The following HYDIN variants were observed in gnomAD, a reference collection of about 807,000 sequenced individuals.
HYDIN encodes the protein HYDIN axonemal central pair apparatus protein.
Under a neutral mutation model 403.9 loss-of-function variants are expected in HYDIN, and 132 were observed. The observed-to-expected ratio is 0.33, with a 90% CI of 0.28 to 0.38. The LOEUF is 0.38. Ranked by LOEUF, HYDIN falls within the 10% of genes least tolerant of loss-of-function variation. HYDIN has a pLI of 1.00. For synonymous variants in HYDIN, 1,202 were observed against 1,891.7 expected (o/e 0.64, Z 9.46); for missense variants, 2,827 against 5,009.5 (o/e 0.56, Z 13.15).
chr16:70,935,972 A>AT lies in HYDIN; in HGVS notation c.7137dup (p.Ser2380IlefsTer28). On this transcript the variant is annotated frameshift_variant, in exon 45 of 86. Transcript: ENST00000393567. LOFTEE classifies it high-confidence loss of function. ...GTTACCTGCTTGTTTGCTGCTTGAGATTTCTTCATGGGGGGCTCCTCCTTA... is the reference window on the plus strand; with the variant it reads ...GTTACCTGCTTGTTTGCTGCTTGAGATTTTCTTCATGGGGGGCTCCTCCTTA... The AT allele has an allele frequency of 3.9e-6, 2 of 514,920 alleles. No individual in the cohort carries two copies. Among genetic ancestry groups the AT allele is most frequent in the Non-Finnish European group, 6.6e-6 (2 of 303,520 alleles). The allele number at this position is 514,920 out of a possible 1,614,324, so 31.9% of individuals were successfully genotyped here.
chr16:71,227,343 G>A (rs1220706392), intron 1 of HYDIN, among the ~76,000 whole-genome samples: 1 of 152,046 alleles, frequency 6.6e-6, no homozygotes, highest in Non-Finnish European at 1.5e-5. Flanking sequence ...AGAATAAAGT[G>A]TATTCAACTA....
At chr16:71,092,172 G>A (rs201892901) in intron 11 of HYDIN, among the ~76,000 whole-genome samples, 2,619 of 152,050 alleles carry the variant, frequency 0.017, 111 homozygotes, top group East Asian at 0.15. Flanking sequence ...CAGGTTTGCC[G>A]TTCCTTGAAT....
At chr16:70,932,727 GT>G (rs547022478) in intron 45 of HYDIN, among the ~76,000 whole-genome samples, 8 of 151,958 alleles carry the variant, frequency 5.3e-5, no homozygotes, top group African/African-American at 1.7e-4. Context: ...CAACCAGCAT[GT>G]TTTTTTTTAA....
At chr16:71,227,587 C>A (rs1334085038) in intron 1 of HYDIN, among the ~76,000 whole-genome samples, 1 of 152,034 alleles carries the variant, frequency 6.6e-6, no homozygotes, top group Non-Finnish European at 1.5e-5. Context: ...GAATAAAATA[C>A]CTAGGAATCC....
intron 62 of HYDIN, among the ~76,000 whole-genome samples, chr16:70,877,410 T>A (rs1456940851): frequency 6.6e-6 from 1 of 152,044 alleles, no homozygotes; most frequent in East Asian, 1.9e-4. Flanking sequence ...AGTAAAACTG[T>A]AGAAAACAAA....
chr16:70,832,621 T>C (rs1459755443), intron 80 of HYDIN, among the ~76,000 whole-genome samples: 2 of 152,228 alleles, frequency 1.3e-5, no homozygotes, highest in Non-Finnish European at 2.9e-5. Flanking sequence ...TAGCCAGGGA[T>C]GTCAAAGCAG....
At chr16:71,193,465 C>G (rs534980528) in intron 1 of HYDIN, among the ~76,000 whole-genome samples, 4 of 152,114 alleles carry the variant, frequency 2.6e-5, no homozygotes, top group African/African-American at 7.2e-5. Flanking sequence ...GAGAACCAGA[C>G]AGAATAGGGT....
intron 23 of HYDIN, among the ~76,000 whole-genome samples, chr16:70,995,180 T>C (rs183319480): frequency 6.6e-6 from 1 of 152,290 alleles, no homozygotes; most frequent in East Asian, 1.9e-4. Context: ...GAAAACCTGC[T>C]CCAAAATATT....
intron 35 of HYDIN, among the ~76,000 whole-genome samples, chr16:70,972,072 C>T (rs551532898): frequency 1.3e-5 from 2 of 150,714 alleles, no homozygotes; most frequent in South Asian, 2.1e-4. Flanking sequence ...TACTATATTT[C>T]CCTCATTAAG....
chr16:70,857,847 G>A lies in HYDIN; in HGVS notation c.12153C>T (p.Phe4051=). Reference sequence around the variant, plus strand: ...ATGATGACTCAGTGATGCCCAGATGGAAAGGTGTGAACTGGAACACGATCT... The same window carrying A: ...ATGATGACTCAGTGATGCCCAGATGAAAAGGTGTGAACTGGAACACGATCT... ...KAEIVFQFTP[F]HLGITESSWT... Residue 4051 remains phenylalanine (F), a synonymous_variant, in exon 72 of 86, where the codon TTC becomes TTT. Coordinates refer to ENST00000393567, the MANE Select transcript of HYDIN (RefSeq NM_001270974.2). 1 of 1,613,240 alleles carries A rather than the reference G, an allele frequency of 6.2e-7. No individual in the cohort carries two copies. The highest frequency in any genetic ancestry group is 8.5e-7 in the Non-Finnish European group (1 of 1,179,766).
At chr16:70,967,033 G>T (rs2078597929) in intron 36 of HYDIN, among the ~76,000 whole-genome samples, 1 of 151,686 alleles carries the variant, frequency 6.6e-6, no homozygotes, top group Non-Finnish European at 1.5e-5. Flanking sequence ...TAAATTAGAG[G>T]ATGGAAAGGG....
chr16:71,000,729 G>C (rs1004570124), intron 23 of HYDIN, among the ~76,000 whole-genome samples: 1 of 151,586 alleles, frequency 6.6e-6, no homozygotes, highest in Non-Finnish European at 1.5e-5. Flanking sequence ...TGGGTAATTT[G>C]ACCCCCCGGT....
Position 70,840,143 on chromosome 16 carries a change from T to A in HYDIN, c.12964A>T (p.Thr4322Ser). The A allele has an allele frequency of 1.1e-6, 1 of 877,864 alleles. No homozygotes were observed. The highest frequency in any genetic ancestry group is 1.7e-6 in the Non-Finnish European group (1 of 576,662). 54.4% of individuals were successfully genotyped at this position (877,864 alleles called of 1,614,324 possible). Residue 4322 changes from threonine to serine, a missense_variant, in exon 76 of 86, where the codon ACC (threonine) becomes TCC (serine). Thr to Ser is a moderately conservative substitution (Grantham distance 58). Coordinates refer to ENST00000393567, the MANE Select transcript of HYDIN (RefSeq NM_001270974.2). ...ATCCCAGCTTGATAGATAAAGCAGG[T>A]CCCAAAGTTGTAGCTGGTGAAGGAG... ...HFSFTSYNFG[T>S]CFIYQAGMPP... is the part of the protein sequence containing the mutation.
intron 53 of HYDIN, among the ~76,000 whole-genome samples, chr16:70,898,753 T>C (rs185789259): frequency 1.3e-5 from 2 of 151,968 alleles, no homozygotes; most frequent in African/African-American, 4.8e-5. Flanking sequence ...AAGTATTTTT[T>C]TTTTTTTTGA....
chr16:71,052,877 CAAAG>C (rs1346262434), intron 18 of HYDIN, among the ~76,000 whole-genome samples: 2 of 131,828 alleles, frequency 1.5e-5, no homozygotes, highest in Non-Finnish European at 3.2e-5. Context: ...AAGAACAAAA[CAAAG>C]AAAGAAAGAG....
intron 1 of HYDIN, among the ~76,000 whole-genome samples, chr16:71,199,555 T>C (rs967724060): frequency 3.3e-5 from 5 of 152,186 alleles, no homozygotes; most frequent in African/African-American, 9.6e-5. Context: ...TACCCTCCCC[T>C]AGACTTGGCC....
intron 37 of HYDIN, among the ~76,000 whole-genome samples, chr16:70,963,148 C>T (rs1357790485): frequency 1.3e-5 from 2 of 151,546 alleles, no homozygotes; most frequent in Non-Finnish European, 2.9e-5. Context: ...TCTCTCCTCA[C>T]ACTCTCTTCA....
At chr16:71,047,460 C>T (rs2081490154) in intron 18 of HYDIN, among the ~76,000 whole-genome samples, 1 of 151,992 alleles carries the variant, frequency 6.6e-6, no homozygotes, top group Non-Finnish European at 1.5e-5. Context: ...GGGTGAGGGG[C>T]TCACAGCTCT....
At chr16:70,991,439 T>C (rs1236609036) in intron 24 of HYDIN, 43 bp from the exon 25 acceptor site, 2 of 1,604,716 alleles carry the variant, frequency 1.2e-6, no homozygotes, top group Non-Finnish European at 1.7e-6. Flanking sequence ...CATTGGGCTG[T>C]CATCGCCACA....
Sources: gnomAD v4.1 joint callset for allele counts (sites outside exome capture counted in the v4.1 genomes callset) on GRCh38, gnomAD v4.1.1 for gene constraint, MANE v1.5 for transcripts, NCBI Gene and HGNC (gene_info 2026-07-23, HGNC 2026-07-21) for gene names.